The following KCNMA1 variants were observed in gnomAD, a reference collection of about 807,000 sequenced individuals.
KCNMA1 encodes Calcium-activated potassium channel subunit alpha-1.
KCNMA1 carries 29 observed loss-of-function variants against 140.0 expected under a neutral mutation model. The observed-to-expected ratio is 0.21, with a 90% CI of 0.15 to 0.28. The LOEUF is 0.28. Ranked by LOEUF, KCNMA1 falls within the 10% of genes least tolerant of loss-of-function variation. The pLI, the probability that KCNMA1 is intolerant of heterozygous loss-of-function variation, is 1.00. For synonymous variants in KCNMA1, 612 were observed against 611.9 expected (o/e 1.00, Z 0.00); for missense variants, 880 against 1,602.2 (o/e 0.55, Z 7.70).
At chr10:77,173,960 T>C (rs573159616) in intron 5 of KCNMA1, among the ~76,000 whole-genome samples, 19 of 152,178 alleles carry the variant, frequency 1.2e-4, no homozygotes, top group Non-Finnish European at 2.8e-4. Context: ...CCACCACTGC[T>C]AACCACGAAC....
intron 6 of KCNMA1, 44 bp downstream of exon 6, chr10:77,120,929 C>T: frequency 1.9e-6 from 2 of 1,072,376 alleles, no homozygotes; most frequent in Middle Eastern, 2.1e-4. Flanking sequence ...TGCAACTTGG[C>T]ATAGGGGACT....
intron 2 of KCNMA1, among the ~76,000 whole-genome samples, chr10:77,403,024 G>A (rs921227603): frequency 1.3e-5 from 2 of 152,124 alleles, no homozygotes; most frequent in Non-Finnish European, 2.9e-5. Context: ...ATCCCTGTTT[G>A]CCCAGGACTT....
intron 2 of KCNMA1, among the ~76,000 whole-genome samples, chr10:77,400,629 G>A (rs1367926484): frequency 6.6e-6 from 1 of 152,190 alleles, no homozygotes; most frequent in African/African-American, 2.4e-5. Flanking sequence ...AAAGCTGAAT[G>A]TTTTTAGACA....
At chr10:77,635,905 A>T (rs1449130704) in intron 1 of KCNMA1, 1 of 159,058 alleles carries the variant, frequency 6.3e-6, no homozygotes, top group South Asian at 1.9e-4. Context: ...ATAATTAATG[A>T]TCAGGAGAGA....
chr10:77,239,915 A>G (rs2056814225), intron 3 of KCNMA1, among the ~76,000 whole-genome samples: 2 of 152,240 alleles, frequency 1.3e-5, no homozygotes. Flanking sequence ...ATCCATGTCA[A>G]CCTGTACCTT....
intron 1 of KCNMA1, among the ~76,000 whole-genome samples, chr10:77,626,797 G>C (rs1015765164): frequency 6.6e-6 from 1 of 152,124 alleles, no homozygotes; most frequent in Non-Finnish European, 1.5e-5. Context: ...TTTTCCAAAC[G>C]TGAACTCATT....
intron 1 of KCNMA1, among the ~76,000 whole-genome samples, chr10:77,416,995 T>C (rs1412009068): frequency 6.6e-6 from 1 of 152,106 alleles, no homozygotes; most frequent in Non-Finnish European, 1.5e-5. Flanking sequence ...CCCTCCCCAC[T>C]CGTCACTGAC....
At chr10:77,604,892 C>T (rs909729355) in intron 1 of KCNMA1, among the ~76,000 whole-genome samples, 6 of 152,078 alleles carry the variant, frequency 3.9e-5, no homozygotes, top group African/African-American at 4.8e-5. Context: ...CCCTCCCCCA[C>T]CCCTTCCTTG....
At chr10:77,272,130 T>C (rs1370551927) in intron 2 of KCNMA1, among the ~76,000 whole-genome samples, 3 of 152,184 alleles carry the variant, frequency 2.0e-5, no homozygotes, top group African/African-American at 7.2e-5. Flanking sequence ...TATCATTCCC[T>C]GAAATCACAT....
At chr10:77,016,886 G>A (rs1057220784) in intron 17 of KCNMA1, among the ~76,000 whole-genome samples, 3 of 151,886 alleles carry the variant, frequency 2.0e-5, no homozygotes, top group African/African-American at 7.3e-5. Context: ...GTGCAAACTC[G>A]ATACGAGATC....
At chr10:77,211,743 T>TA (rs939315431) in intron 3 of KCNMA1, among the ~76,000 whole-genome samples, 1 of 151,844 alleles carries the variant, frequency 6.6e-6, no homozygotes, top group African/African-American at 2.4e-5. Context: ...ATAAGGAACT[T>TA]AAAAAAATTG....
intron 5 of KCNMA1, among the ~76,000 whole-genome samples, chr10:77,155,002 G>T (rs1454327399): frequency 6.6e-6 from 1 of 152,190 alleles, no homozygotes; most frequent in African/African-American, 2.4e-5. Flanking sequence ...GGACGCAGGG[G>T]CAAGTGCCAT....
At position 77,322,975 on chromosome 10, in the gene KCNMA1, T is replaced by C. The variant is rs78852353; in HGVS notation, c.541-71719A>G. ...AAGAATTTACCCCTGAGGATTGACT[T>C]ATTCAGCATTTAAATGGGAACTAAG... On this transcript the variant is annotated intron_variant, in intron 2 of 27. Transcript: ENST00000286628. 2.6e-5 allele frequency among the ~76,000 whole-genome samples: 4 copies of C among 152,314 alleles called. No homozygotes were observed. In the East Asian group the frequency reaches 7.7e-4, roughly 29 times the overall value.
At position 77,637,754 on chromosome 10, in the gene KCNMA1, CCGCCGCGGA is replaced by C. The variant is rs1203486167; in HGVS notation, c.-121_-113del. ...GCTGCTACTGCTGCCGCCGCCGCCG[CCGCCGCGGA>C]GCGCGGGAGGGGGGCGGGGAGGCGC... On this transcript the variant is annotated 5_prime_UTR_variant, in exon 1 of 28. Coordinates refer to ENST00000286628, the MANE Select transcript of KCNMA1 (RefSeq NM_001161352.2). 1 of 1,309,994 alleles carries C rather than the reference CCGCCGCGGA, an allele frequency of 7.6e-7. No homozygotes were observed. The highest frequency in any genetic ancestry group is 9.6e-7 in the Non-Finnish European group (1 of 1,042,378). The allele number at this position is 1,309,994 out of a possible 1,614,324, so 81.1% of individuals were successfully genotyped here.
At chr10:77,048,921 C>CG (rs766722657) in intron 14 of KCNMA1, among the ~76,000 whole-genome samples, 9 of 151,946 alleles carry the variant, frequency 5.9e-5, no homozygotes, top group Non-Finnish European at 1.3e-4. Context: ...CCACCACGCC[C>CG]GGTTAATTTT....
chr10:77,034,928 AAC>A (rs1321680738), intron 15 of KCNMA1, among the ~76,000 whole-genome samples: 2 of 152,192 alleles, frequency 1.3e-5, no homozygotes, highest in Non-Finnish European at 2.9e-5. Flanking sequence ...CAGAACCTAG[AAC>A]ACAGTGTTCT....
chr10:76,939,814 A>C (rs2116827), intron 23 of KCNMA1: 69,746 of 151,654 alleles, frequency 0.46, 16,565 homozygotes, highest in Middle Eastern at 0.52. Context: ...GAGAGCGGAC[A>C]TTGCCTCCCT....
intron 2 of KCNMA1, among the ~76,000 whole-genome samples, chr10:77,373,992 T>C (rs1603441721): frequency 6.6e-6 from 1 of 151,794 alleles, no homozygotes; most frequent in South Asian, 2.1e-4. Flanking sequence ...GTGGGAAGGG[T>C]GGATAATGGG....
intron 21 of KCNMA1, chr10:76,951,994 G>A: frequency 1.3e-6 from 2 of 1,536,464 alleles, no homozygotes; most frequent in Non-Finnish European, 1.8e-6. Context: ...GAGATGTTTT[G>A]TTAAATGATG....
Sources: gnomAD v4.1 joint callset for allele counts (sites outside exome capture counted in the v4.1 genomes callset) on GRCh38, gnomAD v4.1.1 for gene constraint, MANE v1.5 for transcripts, NCBI Gene and HGNC (gene_info 2026-07-23, HGNC 2026-07-21) for gene names.